TMEM132D: variants seen among roughly 807,000 people sequenced by gnomAD.
TMEM132D encodes mature OL transmembrane protein.
Under a neutral mutation model 62.3 loss-of-function variants are expected in TMEM132D, and 21 were observed. That is an observed-to-expected ratio of 0.34 (90% CI 0.24 to 0.49). The LOEUF is 0.49. Among genes scored for constraint, TMEM132D ranks in the 20% least tolerant of loss-of-function variants. The pLI, the probability that TMEM132D is intolerant of heterozygous loss-of-function variation, is 0.99. For missense variants in TMEM132D, 1,346 were observed against 1,402.8 expected (o/e 0.96, Z 0.65); for synonymous variants, 621 against 575.6 (o/e 1.08, Z -1.13).
chr12:129,431,038 A>C (rs1245123881), intron 3 of TMEM132D, among the ~76,000 whole-genome samples: 13 of 152,248 alleles, frequency 8.5e-5, no homozygotes, highest in Non-Finnish European at 1.5e-5. Context: ...GCAATCCCAG[A>C]AATTCAGACT....
intron 4 of TMEM132D, among the ~76,000 whole-genome samples, chr12:129,268,956 G>A (rs987523545): frequency 2.0e-5 from 3 of 148,702 alleles, no homozygotes; most frequent in Non-Finnish European, 4.4e-5. Context: ...ACTCATAGGT[G>A]GGAATTGAAC....
chr12:129,583,014 T>G (rs1877920774), intron 2 of TMEM132D, among the ~76,000 whole-genome samples: 1 of 152,058 alleles, frequency 6.6e-6, no homozygotes, highest in South Asian at 2.1e-4. Flanking sequence ...ACTGCAATAT[T>G]GGCCAGACTG....
intron 8 of TMEM132D, among the ~76,000 whole-genome samples, chr12:129,077,792 G>A (rs1306989169): frequency 6.8e-6 from 1 of 147,140 alleles, no homozygotes; most frequent in East Asian, 2.0e-4. Flanking sequence ...ATGCATACAG[G>A]TGCCTATACA....
intron 5 of TMEM132D, among the ~76,000 whole-genome samples, chr12:129,143,902 G>GCC (rs1157568206): frequency 1.3e-5 from 2 of 151,414 alleles, no homozygotes; most frequent in African/African-American, 4.9e-5. Context: ...AGGTGAGCAG[G>GCC]TCTGCTAGAG....
At chr12:129,739,685 A>T (rs1869539363) in intron 1 of TMEM132D, among the ~76,000 whole-genome samples, 1 of 152,300 alleles carries the variant, frequency 6.6e-6, no homozygotes, top group Non-Finnish European at 1.5e-5. Flanking sequence ...TTCATTCCTC[A>T]GAGGCCTGGT....
intron 4 of TMEM132D, among the ~76,000 whole-genome samples, chr12:129,267,371 G>T (rs1366604322): frequency 6.6e-6 from 1 of 152,020 alleles, no homozygotes; most frequent in Non-Finnish European, 1.5e-5. Flanking sequence ...AAAATCACAA[G>T]CATTCTCACA....
At chr12:129,285,891 A>G (rs1043768639) in intron 4 of TMEM132D, among the ~76,000 whole-genome samples, 1 of 152,138 alleles carries the variant, frequency 6.6e-6, no homozygotes, top group Non-Finnish European at 1.5e-5. Flanking sequence ...GAGTCTTCCA[A>G]TCTAGATTTG....
chr12:129,354,328 T>TATAC (rs1267569491), intron 3 of TMEM132D, among the ~76,000 whole-genome samples: 1 of 151,416 alleles, frequency 6.6e-6, no homozygotes, highest in Non-Finnish European at 1.5e-5. Flanking sequence ...TATATATATA[T>TATAC]ATATACATAT....
chr12:129,198,290 T>C (rs1878602947), intron 5 of TMEM132D, among the ~76,000 whole-genome samples: 1 of 152,176 alleles, frequency 6.6e-6, no homozygotes, highest in South Asian at 2.1e-4. Flanking sequence ...AATTACCATA[T>C]AATCTAGCAA....
At chr12:129,888,124 G>T (rs1210429175) in intron 1 of TMEM132D, among the ~76,000 whole-genome samples, 1 of 152,190 alleles carries the variant, frequency 6.6e-6, no homozygotes, top group Non-Finnish European at 1.5e-5. Flanking sequence ...ACAAGCAATT[G>T]TGTGTTTTGA....
At position 129,525,234 on chromosome 12, in the gene TMEM132D, T is replaced by G. The variant is rs1252149568; in HGVS notation, c.1115+5825A>C. On this transcript the variant is annotated intron_variant, in intron 3 of 8. Coordinates refer to ENST00000422113, the MANE Select transcript of TMEM132D (RefSeq NM_133448.3). ...GCCACGGTGCCCAGCCGGTTTTTTT[T>G]TTTTTTTTTTTTTTTTTTTTTGCTA... is the stretch of plus-strand genomic sequence containing the variant. Among the ~76,000 whole-genome samples the G allele has an allele frequency of 4.3e-4, 56 of 130,086 alleles. 2 individuals carry two copies. The highest frequency in any genetic ancestry group is 8.5e-4 in the African/African-American group (26 of 30,748). 85.3% of individuals were successfully genotyped at this position (130,086 alleles called of 152,430 possible).
At chr12:129,315,522 G>A (rs964757513) in intron 4 of TMEM132D, among the ~76,000 whole-genome samples, 2 of 152,056 alleles carry the variant, frequency 1.3e-5, no homozygotes, top group East Asian at 1.9e-4. Flanking sequence ...TTATCTTTTC[G>A]ATATGTTTTT....
chr12:129,783,706 T>C (rs1180471893), intron 1 of TMEM132D, among the ~76,000 whole-genome samples: 1 of 152,224 alleles, frequency 6.6e-6, no homozygotes, highest in Non-Finnish European at 1.5e-5. Flanking sequence ...CAAATATTTC[T>C]ATTTGAGATT....
chr12:129,204,070 C>T (rs1024618023), intron 5 of TMEM132D, among the ~76,000 whole-genome samples: 7 of 152,116 alleles, frequency 4.6e-5, no homozygotes, highest in Non-Finnish European at 1.0e-4. Context: ...AAATATCAGC[C>T]CACACAAATG....
At chr12:129,380,319 C>T (rs1301656971) in intron 3 of TMEM132D, among the ~76,000 whole-genome samples, 2 of 152,084 alleles carry the variant, frequency 1.3e-5, no homozygotes, top group African/African-American at 2.4e-5. Flanking sequence ...TTAAAATGAT[C>T]GATACTCAAA....
At chr12:129,504,262 A>G (rs1875261911) in intron 3 of TMEM132D, among the ~76,000 whole-genome samples, 4 of 152,176 alleles carry the variant, frequency 2.6e-5, no homozygotes, top group Admixed American at 6.5e-5. Context: ...CTGAAAGTCT[A>G]TCGATTTAGG....
intron 3 of TMEM132D, among the ~76,000 whole-genome samples, chr12:129,352,435 T>C (rs1869896145): frequency 4.0e-5 from 1 of 25,144 alleles, no homozygotes; most frequent in Admixed American, 7.5e-4. Flanking sequence ...CTTTCACCAC[T>C]TTACTTTTTT....
chr12:129,181,812 A>T (rs11830026), intron 5 of TMEM132D, among the ~76,000 whole-genome samples: 4 of 152,092 alleles, frequency 2.6e-5, no homozygotes, highest in African/African-American at 9.7e-5. Context: ...CTCTTCCTCT[A>T]TGTAGAAGTG....
At chr12:129,782,081 A>G (rs1871135803) in intron 1 of TMEM132D, among the ~76,000 whole-genome samples, 1 of 152,224 alleles carries the variant, frequency 6.6e-6, no homozygotes, top group Admixed American at 6.5e-5. Flanking sequence ...AACATATAGC[A>G]TAGTACAGGC....
Sources: gnomAD v4.1 joint callset for allele counts (sites outside exome capture counted in the v4.1 genomes callset) on GRCh38, gnomAD v4.1.1 for gene constraint, MANE v1.5 for transcripts, NCBI Gene and HGNC (gene_info 2026-07-23, HGNC 2026-07-21) for gene names.